The following ADAM15 variants were observed in gnomAD, a reference collection of about 807,000 sequenced individuals.
ADAM15 encodes disintegrin and metalloproteinase domain-containing protein 15.
A neutral mutation model predicts 113.8 loss-of-function variants in ADAM15; 77 were observed. That is an observed-to-expected ratio of 0.68 (90% CI 0.56 to 0.82). The LOEUF is 0.82. Among genes scored for constraint, ADAM15 ranks in the 40% least tolerant of loss-of-function variants. The probability of loss-of-function intolerance (pLI) is 0.00; values close to 1 mark genes in which losing one functional copy is unlikely to be tolerated. For synonymous variants in ADAM15, 388 were observed against 454.1 expected (o/e 0.85, Z 1.85); for missense variants, 963 against 1,120.1 (o/e 0.86, Z 2.00).
chr1:155,054,806 G>A (rs1389964638), intron 6 of ADAM15, among the ~76,000 whole-genome samples: 1 of 152,044 alleles, frequency 6.6e-6, no homozygotes, highest in African/African-American at 2.4e-5. Flanking sequence ...GGAGGCAGAG[G>A]TTTCAGTGGG....
rs1482418494 is a variant in ADAM15 at position 155,058,975 on chromosome 1, G to A, written c.1995+188G>A. ...CACCTATCAAATGGCTATAATAATAGTATCCCCATCCAGGGTACATGAGAT... is the reference window on the plus strand; with the variant it reads ...CACCTATCAAATGGCTATAATAATAATATCCCCATCCAGGGTACATGAGAT... On this transcript the variant is annotated intron_variant, in intron 16 of 22. Coordinates refer to ENST00000356955, the MANE Select transcript of ADAM15 (RefSeq NM_207197.3). This position sits in a 1 kb window ranked among gnomAD's most constrained non-coding sequence, Gnocchi z 4.3. Among the ~76,000 whole-genome samples the A allele has an allele frequency of 6.6e-6, 1 of 152,184 alleles. No individual in the cohort carries two copies. Among genetic ancestry groups the A allele is most frequent in the Non-Finnish European group, 1.5e-5 (1 of 68,036 alleles).
intron 6 of ADAM15, chr1:155,055,578 A>G (rs1661645274): frequency 1.7e-6 from 1 of 592,050 alleles, no homozygotes; most frequent in Non-Finnish European, 3.0e-6. Context: ...GGAGCCAGAA[A>G]AGCAGGGGTC....
At position 155,058,150 on chromosome 1, in the gene ADAM15, C is replaced by T. The variant is rs1364707090; in HGVS notation, c.1716C>T (p.Thr572=). ...RNPSGSYVSC[T]PRDAICGQLQ... is the part of the protein sequence containing the mutation. ...CCAGTGGCAGTTATGTGTCCTGCACCCCTAGGTAAGTGAGGAAACCTGGCT... is the reference window on the plus strand; with the variant it reads ...CCAGTGGCAGTTATGTGTCCTGCACTCCTAGGTAAGTGAGGAAACCTGGCT... The change falls in exon 14 of 23, where the codon ACC becomes ACT. Residue 572 remains threonine (T), a synonymous_variant. Coordinates refer to ENST00000356955, the MANE Select transcript of ADAM15 (RefSeq NM_207197.3). The surrounding 1 kb of genome is among the most constrained non-coding windows in gnomAD (Gnocchi z 4.3). 1 of 1,611,686 alleles carries T rather than the reference C, an allele frequency of 6.2e-7. No individual in the cohort carries two copies.
intron 6 of ADAM15, 58 bp downstream of exon 6, chr1:155,054,564 A>T: frequency 2.0e-6 from 3 of 1,495,334 alleles, no homozygotes; most frequent in Non-Finnish European, 2.7e-6. Context: ...ATCCCCAGAC[A>T]CTTAGAGCTA....
In ADAM15 at chr1:155,058,801, G is replaced by A. The variant is rs1200046989; in HGVS notation, c.1995+14G>A. On this transcript the variant is annotated intron_variant, in intron 16 of 22. Transcript: ENST00000356955. This position sits in a 1 kb window ranked among gnomAD's most constrained non-coding sequence, Gnocchi z 4.3. ...CATGGACATGGGGTGAGCTGGGATG[G>A]GGGAAGTGGAAGGGGAGCAGAGAGC... 1 of 1,606,410 alleles carries A rather than the reference G, an allele frequency of 6.2e-7. No homozygotes were observed. The highest frequency in any genetic ancestry group is 8.5e-7 in the Non-Finnish European group (1 of 1,175,534).
rs1372493294 is a variant in ADAM15, at chr1:155,056,877, G to C, written c.1000-76G>C. The C allele has an allele frequency of 2.0e-6, 3 of 1,509,388 alleles. No homozygotes were observed. Among genetic ancestry groups the C allele is most frequent in the Admixed American group, 2.3e-5 (1 of 44,144 alleles). 93.5% of individuals were successfully genotyped at this position (1,509,388 alleles called of 1,614,324 possible). On this transcript the variant is annotated intron_variant, in intron 10 of 22. Transcript: ENST00000356955. The surrounding 1 kb of genome is among the most constrained non-coding windows in gnomAD (Gnocchi z 4.0). ...ACGAGGTCAGACGTGGAGGGAACAG[G>C]AGCAGAGAGGGTGGTCTGGGCATTG...
At chr1:155,059,638 CTAAAA>C (rs1302919148) in intron 16 of ADAM15, among the ~76,000 whole-genome samples, 4 of 151,938 alleles carry the variant, frequency 2.6e-5, no homozygotes, top group Admixed American at 6.6e-5. Context: ...TACTTGCTGT[CTAAAA>C]TAAAATAAAA....
intron 20 of ADAM15, 162 bp downstream of exon 20, chr1:155,061,651 G>A: frequency 1.2e-6 from 1 of 864,590 alleles, no homozygotes; most frequent in Non-Finnish European, 1.7e-6. Flanking sequence ...CAAAGGGTGA[G>A]CCTCCTGCCT....
At position 155,055,807 on chromosome 1, in the gene ADAM15, A is replaced by G. The variant is rs1373511816; in HGVS notation, c.630A>G (p.Thr210=). ...CATAGTAGAGGCGGGATGTGGTAAC[A>G]GAGACCAAGACTGTGGAGTTGGTGA... ...RHIRRRRDVV[T]ETKTVELVIV... The change falls in exon 7 of 23, where the codon ACA becomes ACG. Residue 210 remains threonine, a synonymous_variant. Transcript: ENST00000356955. 6.2e-7 allele frequency: 1 copy of G among 1,614,184 alleles called. No homozygotes were observed. The highest frequency in any genetic ancestry group is 1.3e-5 in the African/African-American group (1 of 75,052).
chr1:155,061,555 C>A (rs1444497950), intron 20 of ADAM15, 66 bp downstream of exon 20: 14 of 1,492,230 alleles, frequency 9.4e-6, no homozygotes, highest in Non-Finnish European at 1.3e-5. Context: ...AACTGCAGTT[C>A]TCATCCCTGC....
intron 19 of ADAM15, 26 bp downstream of exon 19, chr1:155,060,858 G>A (rs12743272): frequency 0.13 from 205,407 of 1,600,070 alleles, 14,013 homozygotes; most frequent in Middle Eastern, 0.18. Context: ...CAGAGGAAGG[G>A]GACTCCACCT....
In ADAM15 at chr1:155,057,176, C is replaced by T. The variant is rs746906196; in HGVS notation, c.1149-12C>T. The T allele has an allele frequency of 3.1e-6, 5 of 1,605,274 alleles. No individual in the cohort carries two copies. The highest frequency in any genetic ancestry group is 1.7e-5 in the Admixed American group (1 of 59,516). The stretch of plus-strand genomic sequence containing the variant: ...GGCCCCCAGCCCCAACCTTCCTTGC[C>T]ACCCTCCCCAGCTTCCTACCAGGCC... On this transcript the variant is annotated splice_polypyrimidine_tract_variant and intron_variant, in intron 11 of 22. Coordinates refer to ENST00000356955, the MANE Select transcript of ADAM15 (RefSeq NM_207197.3). The surrounding 1 kb of genome is among the most constrained non-coding windows in gnomAD (Gnocchi z 5.0).
rs770714138 is a variant in ADAM15 at position 155,062,018 on chromosome 1, T to A, written c.2424+43T>A. The A allele has an allele frequency of 1.3e-6, 2 of 1,505,068 alleles. No homozygotes were observed. The highest frequency in any genetic ancestry group is 1.8e-6 in the Non-Finnish European group (2 of 1,125,972). 93.2% of individuals were successfully genotyped at this position (1,505,068 alleles called of 1,614,324 possible). A position where few individuals can be genotyped will look rare whatever the true frequency, so the allele number is the denominator to read the frequency against. ...GAAGGGCACGGCCTCTCCCCCCACCTAGGGCTGTGGTGCTGGTAGCCATGA... is the reference window on the plus strand; with the variant it reads ...GAAGGGCACGGCCTCTCCCCCCACCAAGGGCTGTGGTGCTGGTAGCCATGA... On this transcript the variant is annotated intron_variant, in intron 21 of 22. Transcript: ENST00000356955. The surrounding 1 kb of genome is among the most constrained non-coding windows in gnomAD (Gnocchi z 7.0).
rs186050245 is a variant in ADAM15, at chr1:155,055,556, A to G, written c.613-234A>G. 3.3e-5 allele frequency: 19 copies of G among 568,426 alleles called. No homozygotes were observed. In the African/African-American group the frequency reaches 3.6e-4, roughly 11 times the overall value. The allele number at this position is 568,426 out of a possible 1,614,324, so 35.2% of individuals were successfully genotyped here. ...ACTGTTTTTTAAAAATTTGAAAAAA[A>G]CCACTGAGTTTGGAGCCAGAAAAGC... On this transcript the variant is annotated intron_variant, in intron 6 of 22. Coordinates refer to ENST00000356955, the MANE Select transcript of ADAM15 (RefSeq NM_207197.3).
chr1:155,060,774 C>G lies in ADAM15; in HGVS notation c.2219C>G (p.Ser740Cys), dbSNP rs200056227. 6.2e-7 allele frequency: 1 copy of G among 1,613,820 alleles called. No homozygotes were observed. Among genetic ancestry groups the G allele is most frequent in the East Asian group, 2.2e-5 (1 of 44,884 alleles). The change falls in exon 19 of 23, where the codon TCT (serine) becomes TGT (cysteine). Residue 740 changes from serine (S) to cysteine (C), a missense_variant. Ser to Cys is a moderately radical substitution (Grantham distance 112, BLOSUM62 -1). Transcript: ENST00000356955. Reference protein sequence around the residue: ...GPTCQYRAAQSGPSERPGPPQ... With the variant: ...GPTCQYRAAQCGPSERPGPPQ... ...TTCCTCATGCATAGGGCAGCCCAAT[C>G]TGGTCCCTCTGAACGGCCAGGACCT...
rs745366484 is a variant in ADAM15 at position 155,056,990 on chromosome 1, TA to T, written c.1038del (p.Ile346MetfsTer43). The T allele has an allele frequency of 6.3e-7, 1 of 1,598,692 alleles. No homozygotes were observed. Among genetic ancestry groups the T allele is most frequent in the Non-Finnish European group, 8.5e-7 (1 of 1,172,436 alleles). ...AGCATCCTGGGAGTCGCCTCCTCCA[TA>T]GCCCATGAGTTGGGCCACAGCCTGG... ...STSILGVASS[I>X]AHELGHSLGL... On this transcript the variant is annotated frameshift_variant, in exon 11 of 23. Coordinates refer to ENST00000356955, the MANE Select transcript of ADAM15 (RefSeq NM_207197.3). LOFTEE classifies it high-confidence loss of function. This position sits in a 1 kb window ranked among gnomAD's most constrained non-coding sequence, Gnocchi z 4.0.
intron 2 of ADAM15, 137 bp downstream of exon 2, chr1:155,052,914 C>G: frequency 8.5e-7 from 1 of 1,175,404 alleles, no homozygotes; most frequent in Non-Finnish European, 1.2e-6. Flanking sequence ...GCCCAGCTGC[C>G]TCTCCCACCA....
At position 155,057,480 on chromosome 1, in the gene ADAM15, ACTTGCCCTGT is replaced by A. The variant is rs1661927104; in HGVS notation, c.1323+121_1323+130del. The A allele has an allele frequency of 1.3e-6, 2 of 1,496,706 alleles. No individual in the cohort carries two copies. The highest frequency in any genetic ancestry group is 1.8e-6 in the Non-Finnish European group (2 of 1,094,624). The allele number at this position is 1,496,706 out of a possible 1,614,324, so 92.7% of individuals were successfully genotyped here. On this transcript the variant is annotated intron_variant, in intron 12 of 22. Coordinates refer to ENST00000356955, the MANE Select transcript of ADAM15 (RefSeq NM_207197.3). This position sits in a 1 kb window ranked among gnomAD's most constrained non-coding sequence, Gnocchi z 5.0. ...TGAAGGGACTTTCCACCCCTCTCCT[ACTTGCCCTGT>A]CTGTGGGGACAGCACATGGGTTGTT...
In ADAM15 at chr1:155,060,260, G is replaced by A. The variant is rs778305818; in HGVS notation, c.2124G>A (p.Leu708=). The part of the protein sequence containing the change: ...LLLSLLVLLV[L]VMLGASYWYR... ...TCAGCCTCCTGGTCTTATTGGTCCT[G>A]GTGATGCTTGGTGCCAGCTACTGGT... Residue 708 remains leucine (L), a synonymous_variant, in exon 18 of 23, where the codon CTG becomes CTA. Transcript: ENST00000356955. The A allele has an allele frequency of 6.2e-7, 1 of 1,614,084 alleles. No homozygotes were observed. Among genetic ancestry groups the A allele is most frequent in the Admixed American group, 1.7e-5 (1 of 60,014 alleles).
Sources: allele counts gnomAD v4.1 joint callset (sites outside exome capture counted in the v4.1 genomes callset), GRCh38; gene constraint gnomAD v4.1.1; non-coding constraint Gnocchi (gnomAD v3.1); transcripts MANE v1.5; gene names NCBI Gene and HGNC (gene_info 2026-07-23, HGNC 2026-07-21).